The following MFSD6 variants were observed in gnomAD, a reference collection of about 807,000 sequenced individuals.
MFSD6 encodes major facilitator superfamily domain containing 6.
MFSD6 carries 26 observed loss-of-function variants against 56.3 expected under a neutral mutation model. The ratio of observed to expected loss-of-function variants is 0.46; its 90% CI spans 0.34 to 0.64. The LOEUF (loss-of-function observed/expected upper bound fraction) is 0.64. Ranked by LOEUF, MFSD6 falls within the 30% of genes least tolerant of loss-of-function variation. The probability of loss-of-function intolerance (pLI) is 0.01; values close to 1 mark genes in which losing one functional copy is unlikely to be tolerated. For synonymous variants in MFSD6, 331 were observed against 366.9 expected (o/e 0.90, Z 1.12); for missense variants, 750 against 986.2 (o/e 0.76, Z 3.21).
Position 190,489,933 on chromosome 2 carries a change from G to C in MFSD6, c.1891+67G>C, listed in dbSNP as rs200805595. On this transcript the variant is annotated intron_variant, in intron 6 of 7. Coordinates refer to ENST00000392328, the MANE Select transcript of MFSD6 (RefSeq NM_017694.4). This position sits in a 1 kb window ranked among gnomAD's most constrained non-coding sequence, Gnocchi z 6.6. Reference sequence around the variant, plus strand: ...GCCATGGGAAGTCAACAAATGCCCCGAGAAGCCTAGAAGTGGTACAGAGTA... The same window carrying C: ...GCCATGGGAAGTCAACAAATGCCCCCAGAAGCCTAGAAGTGGTACAGAGTA... 2.8e-6 allele frequency: 2 copies of C among 718,598 alleles called. No individual in the cohort carries two copies. Among genetic ancestry groups the C allele is most frequent in the Non-Finnish European group, 4.0e-6 (2 of 501,300 alleles). The allele number at this position is 718,598 out of a possible 1,614,324, so 44.5% of individuals were successfully genotyped here.
rs7721 is a variant in MFSD6 at position 190,501,853 on chromosome 2, T to G, written c.*1635T>G. ...GACTCATTTTAAGTGACCTTTAAAATCAGATGTATTTATTATGCTTGTGTA... is the reference window on the plus strand; with the variant it reads ...GACTCATTTTAAGTGACCTTTAAAAGCAGATGTATTTATTATGCTTGTGTA... On this transcript the variant is annotated 3_prime_UTR_variant, in exon 8 of 8. Coordinates refer to ENST00000392328, the MANE Select transcript of MFSD6 (RefSeq NM_017694.4). 0.23 allele frequency: 35,355 copies of G among 152,546 alleles called. 5,068 individuals carry two copies. Among genetic ancestry groups the G allele is most frequent in the South Asian group, 0.33 (1,584 of 4,824 alleles). The allele number at this position is 152,546 out of a possible 1,614,324, so 9.4% of individuals were successfully genotyped here.
chr2:190,493,143 A>G (rs62181035), intron 6 of MFSD6, among the ~76,000 whole-genome samples: 93,547 of 151,648 alleles, frequency 0.62, 29,401 homozygotes, highest in East Asian at 0.92. Context: ...AGACTCGCCT[A>G]ACACATAGGA....
chr2:190,427,293 G>A (rs114537316), intron 2 of MFSD6, among the ~76,000 whole-genome samples: 225 of 152,296 alleles, frequency 1.5e-3, no homozygotes, highest in African/African-American at 5.3e-3. Context: ...GAGGGGTTGG[G>A]GGTTCCCCAT....
At chr2:190,435,262 A>G (rs571499280) in intron 2 of MFSD6, 16 of 152,346 alleles carry the variant, frequency 1.1e-4, no homozygotes, top group African/African-American at 3.8e-4. Context: ...TAATAGGGCT[A>G]TTGTGATGAA....
chr2:190,484,885 G>A (rs1352638966), intron 4 of MFSD6, among the ~76,000 whole-genome samples: 1 of 152,056 alleles, frequency 6.6e-6, no homozygotes, highest in African/African-American at 2.4e-5. Context: ...CAAGCAGAGT[G>A]GCTTTCATTC....
rs376286894 is a variant in MFSD6, at chr2:190,449,089, A to C, written c.1532+11528A>C. Reference sequence around the variant, plus strand: ...TCTATATTTTGCCCTAAATGGCATAAATGATTACAAGTCTATTTTGTATAA... The same window carrying C: ...TCTATATTTTGCCCTAAATGGCATACATGATTACAAGTCTATTTTGTATAA... On this transcript the variant is annotated intron_variant, in intron 3 of 7. Transcript: ENST00000392328. Among the ~76,000 whole-genome samples the C allele has an allele frequency of 6.4e-4, 98 of 152,362 alleles. 1 individual carries two copies. The South Asian group carries it at 0.02, about 31-fold the overall frequency.
In MFSD6 at chr2:190,456,999, C is replaced by T. The variant is rs1391905231; in HGVS notation, c.1533-12759C>T. Among the ~76,000 whole-genome samples, 1 of 152,156 alleles carries T rather than the reference C, an allele frequency of 6.6e-6. No individual in the cohort carries two copies. The highest frequency in any genetic ancestry group is 1.5e-5 in the Non-Finnish European group (1 of 68,030). Reference sequence around the variant, plus strand: ...AACCGTCTTCTGATGCCAACATAAACGTTCATCCAGCTTCCTTAATCCGCG... The same window carrying T: ...AACCGTCTTCTGATGCCAACATAAATGTTCATCCAGCTTCCTTAATCCGCG... On this transcript the variant is annotated intron_variant, in intron 3 of 7. Transcript: ENST00000392328. The surrounding 1 kb of genome is among the most constrained non-coding windows in gnomAD (Gnocchi z 5.4).
Position 190,488,620 on chromosome 2 carries a change from T to G in MFSD6, c.1631-37T>G, listed in dbSNP as rs983404982. Reference sequence around the variant, plus strand: ...CAAAACAGAGTAGCCTAAGAAATGCTAACCAACTAATCCCTCCTGCTCTTC... The same window carrying G: ...CAAAACAGAGTAGCCTAAGAAATGCGAACCAACTAATCCCTCCTGCTCTTC... On this transcript the variant is annotated intron_variant, in intron 4 of 7. Transcript: ENST00000392328. The surrounding 1 kb of genome is among the most constrained non-coding windows in gnomAD (Gnocchi z 6.4). The G allele has an allele frequency of 3.5e-6, 5 of 1,412,538 alleles. No homozygotes were observed. Among genetic ancestry groups the G allele is most frequent in the Non-Finnish European group, 4.7e-6 (5 of 1,074,086 alleles). 87.5% of individuals were successfully genotyped at this position (1,412,538 alleles called of 1,614,324 possible).
chr2:190,432,426 G>A (rs775343733), intron 2 of MFSD6, among the ~76,000 whole-genome samples: 36 of 152,014 alleles, frequency 2.4e-4, no homozygotes, highest in Non-Finnish European at 4.7e-4. Context: ...GTTTGTTTTT[G>A]TTTTTTGAGA....
intron 2 of MFSD6, among the ~76,000 whole-genome samples, chr2:190,427,461 G>T (rs1171418619): frequency 1.3e-5 from 2 of 152,138 alleles, no homozygotes; most frequent in African/African-American, 4.8e-5. Context: ...CCCTTTCCTG[G>T]TTCATTAGAT....
intron 3 of MFSD6, chr2:190,442,968 G>C (rs1686437486): frequency 6.6e-6 from 1 of 152,194 alleles, no homozygotes; most frequent in Non-Finnish European, 1.5e-5. Flanking sequence ...TCAAGTTTCT[G>C]ATTTATTGAA....
chr2:190,441,654 T>G (rs1686382726), intron 3 of MFSD6, among the ~76,000 whole-genome samples: 2 of 152,106 alleles, frequency 1.3e-5, no homozygotes, highest in Admixed American at 6.5e-5. Context: ...GCTACAGATC[T>G]CTACAGTCCT....
Position 190,458,327 on chromosome 2 carries a change from T to C in MFSD6, c.1533-11431T>C, listed in dbSNP as rs1380707613. The stretch of plus-strand genomic sequence containing the variant: ...GTCAGCCCTCATCTGTTATGAGCAG[T>C]GTCCTCGTGAGAAGAGATTGGGGCC... On this transcript the variant is annotated intron_variant, in intron 3 of 7. Coordinates refer to ENST00000392328, the MANE Select transcript of MFSD6 (RefSeq NM_017694.4). This position sits in a 1 kb window ranked among gnomAD's most constrained non-coding sequence, Gnocchi z 5.3. Among the ~76,000 whole-genome samples the C allele has an allele frequency of 6.6e-6, 1 of 152,080 alleles. No homozygotes were observed. The highest frequency in any genetic ancestry group is 1.9e-4 in the East Asian group (1 of 5,188).
intron 3 of MFSD6, among the ~76,000 whole-genome samples, chr2:190,460,723 G>A (rs1687283897): frequency 6.6e-6 from 1 of 152,228 alleles, no homozygotes; most frequent in South Asian, 2.1e-4. Flanking sequence ...GGCATGAGAT[G>A]GAGCTGGGTG....
At position 190,469,901 on chromosome 2, in the gene MFSD6, G is replaced by A; in HGVS notation, c.1630+46G>A. ...GAAATTATTTCTCTGCCTTCCCTGA[G>A]CTGTGGCTAAAAGCCCAGTGGCCTT... On this transcript the variant is annotated intron_variant, in intron 4 of 7. Transcript: ENST00000392328. The surrounding 1 kb of genome is among the most constrained non-coding windows in gnomAD (Gnocchi z 5.3). 2 of 1,424,346 alleles carry A rather than the reference G, an allele frequency of 1.4e-6. No homozygotes were observed. Among genetic ancestry groups the A allele is most frequent in the Non-Finnish European group, 2.0e-6 (2 of 1,015,770 alleles). 88.2% of individuals were successfully genotyped at this position (1,424,346 alleles called of 1,614,324 possible).
Position 190,501,132 on chromosome 2 carries a change from TC to T in MFSD6, c.*916del, listed in dbSNP as rs1690003806. On this transcript the variant is annotated 3_prime_UTR_variant, in exon 8 of 8. Transcript: ENST00000392328. ...CAAAAATCACTGAATTCCTAAGAGTTCCTTAAATAAGCAGTACTAGTTACAA... is the reference window on the plus strand; with the variant it reads ...CAAAAATCACTGAATTCCTAAGAGTTCTTAAATAAGCAGTACTAGTTACAA... 1 of 152,210 alleles carries T rather than the reference TC, an allele frequency of 6.6e-6. No individual in the cohort carries two copies. The highest frequency in any genetic ancestry group is 6.5e-5 in the Admixed American group (1 of 15,284). 9.4% of individuals were successfully genotyped at this position (152,210 alleles called of 1,614,324 possible).
Position 190,495,111 on chromosome 2 carries a change from C to A in MFSD6, c.1892-2328C>A, listed in dbSNP as rs953649358. Among the ~76,000 whole-genome samples the A allele has an allele frequency of 1.3e-5, 2 of 152,078 alleles. No individual in the cohort carries two copies. The highest frequency in any genetic ancestry group is 4.8e-5 in the African/African-American group (2 of 41,410). ...TATACCTAGAAAACCCTAAAGACTC[C>A]TCCTAAAAGCTCTTAGAACTGATAA... On this transcript the variant is annotated intron_variant, in intron 6 of 7. Transcript: ENST00000392328. The surrounding 1 kb of genome is among the most constrained non-coding windows in gnomAD (Gnocchi z 4.7).
rs1317273652 is a variant in MFSD6 at position 190,436,746 on chromosome 2, C to G, written c.717C>G (p.Asp239Glu). 3 of 1,614,202 alleles carry G rather than the reference C, an allele frequency of 1.9e-6. No individual in the cohort carries two copies. The highest frequency in any genetic ancestry group is 2.5e-6 in the Non-Finnish European group (3 of 1,180,040). ...GTGAAATTACTAACCGTATGATGGA[C>G]TTGACTTTGAACTCAAGCACAGCAA... ...QTGEITNRMM[D>E]LTLNSSTATP... Residue 239 changes from aspartate to glutamate, a missense_variant, in exon 3 of 8, where the codon GAC (aspartate) becomes GAG (glutamate). Coordinates refer to ENST00000392328, the MANE Select transcript of MFSD6 (RefSeq NM_017694.4). This position sits in a 1 kb window ranked among gnomAD's most constrained non-coding sequence, Gnocchi z 5.3.
At chr2:190,484,848 A>G (rs1688921537) in intron 4 of MFSD6, among the ~76,000 whole-genome samples, 1 of 152,208 alleles carries the variant, frequency 6.6e-6, no homozygotes, top group Non-Finnish European at 1.5e-5. Context: ...TTAATCCTGT[A>G]TCTGCCCTGG....
Sources: allele counts gnomAD v4.1 joint callset (sites outside exome capture counted in the v4.1 genomes callset), GRCh38; gene constraint gnomAD v4.1.1; non-coding constraint Gnocchi (gnomAD v3.1); transcripts MANE v1.5; gene names NCBI Gene and HGNC (gene_info 2026-07-23, HGNC 2026-07-21).